IFT88: variants seen among roughly 807,000 people sequenced by gnomAD.
The protein encoded by IFT88 is intraflagellar transport protein 88 homolog.
In IFT88, 74 loss-of-function variants were observed where a neutral mutation model predicts 119.5. The observed-to-expected ratio is 0.62, with a 90% CI of 0.51 to 0.75. The LOEUF (loss-of-function observed/expected upper bound fraction) is 0.75. Ranked by LOEUF, IFT88 falls within the 30% of genes least tolerant of loss-of-function variation. IFT88 has a pLI of 0.00. For missense variants in IFT88, 961 were observed against 977.7 expected, an observed-to-expected ratio of 0.98 and a Z score of 0.23; for synonymous variants, 279 against 316.7, an observed-to-expected ratio of 0.88 and a Z score of 1.26.
intron 15 of IFT88, among the ~76,000 whole-genome samples, chr13:20,627,186 A>G (rs1048500285): frequency 6.6e-5 from 10 of 152,238 alleles, no homozygotes; most frequent in Admixed American, 2.6e-4. Context: ...AAGACTTTTC[A>G]AAGTATCTAT....
chr13:20,643,318 CT>C (rs1360492528), intron 18 of IFT88, 136 bp from the exon 19 acceptor site: 1 of 642,222 alleles, frequency 1.6e-6, no homozygotes, highest in Admixed American at 3.3e-5. Flanking sequence ...ATCTCCACCC[CT>C]GAGATATCCA....
chr13:20,677,042 C>T (rs999971889), intron 24 of IFT88, among the ~76,000 whole-genome samples: 1 of 152,106 alleles, frequency 6.6e-6, no homozygotes, highest in African/African-American at 2.4e-5. Flanking sequence ...ATAATAAGTA[C>T]TCAGTAAATA....
intron 11 of IFT88, 48 bp from the exon 12 acceptor site, chr13:20,601,657 A>G (rs2042612952): frequency 1.6e-6 from 2 of 1,263,282 alleles, no homozygotes; most frequent in Non-Finnish European, 2.3e-6. Context: ...TGAATGCCAT[A>G]CTAAAGAGTT....
chr13:20,602,627 G>T (rs774291970), intron 12 of IFT88, among the ~76,000 whole-genome samples: 2 of 152,110 alleles, frequency 1.3e-5, no homozygotes, highest in African/African-American at 2.4e-5. Flanking sequence ...GCTCACACCT[G>T]TAATTCCAGC....
intron 21 of IFT88, among the ~76,000 whole-genome samples, chr13:20,656,122 T>TAAAAAAAAAAAAAAAAAAAAAAAA (rs60352862): frequency 9.5e-6 from 1 of 104,768 alleles, no homozygotes; most frequent in African/African-American, 3.8e-5. Flanking sequence ...CTCGTCTCTT[T>TAAAAAAAAAAAAAAAAAAAAAAAA]AAAAAAAAAA....
chr13:20,618,991 G>C (rs1302462836), intron 14 of IFT88, among the ~76,000 whole-genome samples: 1 of 151,724 alleles, frequency 6.6e-6, no homozygotes, highest in African/African-American at 2.4e-5. Context: ...TAAGTAGCTG[G>C]GACTACAGGC....
At chr13:20,689,974 G>A (rs2058324084) in intron 24 of IFT88, among the ~76,000 whole-genome samples, 1 of 152,174 alleles carries the variant, frequency 6.6e-6, no homozygotes, top group Non-Finnish European at 1.5e-5. Context: ...AACATCAGTG[G>A]TAGGGGAAAT....
chr13:20,613,939 A>C (rs2045117474), intron 13 of IFT88, among the ~76,000 whole-genome samples: 1 of 107,580 alleles, frequency 9.3e-6, no homozygotes, highest in Admixed American at 1.1e-4. Context: ...TAAATTAGGC[A>C]AATCTATAAA....
At chr13:20,633,658 A>C (rs1243537995) in intron 16 of IFT88, among the ~76,000 whole-genome samples, 5 of 152,226 alleles carry the variant, frequency 3.3e-5, no homozygotes, top group Non-Finnish European at 7.3e-5. Flanking sequence ...TAAAGAAGCA[A>C]AGAGAATTGT....
At chr13:20,608,060 G>A (rs1012969206) in intron 13 of IFT88, 24 of 533,718 alleles carry the variant, frequency 4.5e-5, no homozygotes, top group Non-Finnish European at 7.9e-5. Context: ...CCCCAGCACG[G>A]GGACTATCAT....
intron 24 of IFT88, among the ~76,000 whole-genome samples, chr13:20,684,865 C>T (rs182246946): frequency 5.8e-4 from 88 of 152,314 alleles, no homozygotes; most frequent in African/African-American, 2.0e-3. Context: ...CGCTTCGGGG[C>T]GACCCTTCGA....
chr13:20,611,895 C>T (rs1054088009), intron 13 of IFT88, among the ~76,000 whole-genome samples: 12 of 152,166 alleles, frequency 7.9e-5, no homozygotes, highest in Non-Finnish European at 1.3e-4. Context: ...CATGAGCCAC[C>T]GCACCCGGCC....
chr13:20,582,656 G>A, intron 2 of IFT88, among the ~76,000 whole-genome samples: 1 of 152,200 alleles, frequency 6.6e-6, no homozygotes, highest in African/African-American at 2.4e-5. Context: ...ACAGAAGAAA[G>A]GCCACATCCT....
chr13:20,638,208 G>A (rs1271585354), intron 16 of IFT88, 124 bp from the exon 17 acceptor site: 4 of 516,102 alleles, frequency 7.8e-6, no homozygotes, highest in Admixed American at 4.2e-5. Context: ...ACCAAGATAT[G>A]TAAAATATTT....
chr13:20,647,944 C>T (rs930030707), intron 20 of IFT88, among the ~76,000 whole-genome samples: 1 of 152,158 alleles, frequency 6.6e-6, no homozygotes, highest in African/African-American at 2.4e-5. Context: ...TCGACAGCAA[C>T]AAGAGAAAAG....
chr13:20,605,173 A>G, intron 13 of IFT88, 68 bp downstream of exon 13: 1 of 613,666 alleles, frequency 1.6e-6, no homozygotes, highest in East Asian at 3.1e-5. Flanking sequence ...TTTAGTATTA[A>G]GATACTTAAT....
intron 14 of IFT88, among the ~76,000 whole-genome samples, chr13:20,621,591 T>A (rs1041720263): frequency 4.1e-5 from 6 of 147,138 alleles, no homozygotes. Flanking sequence ...TCCAAAGACT[T>A]TTTTTTTAGA....
At chr13:20,624,561 A>G (rs2047014613) in intron 14 of IFT88, among the ~76,000 whole-genome samples, 1 of 152,216 alleles carries the variant, frequency 6.6e-6, no homozygotes, top group Admixed American at 6.5e-5. Context: ...AATAAAGGCT[A>G]TGGGAATTAT....
Position 20,626,043 on chromosome 13 carries a change from C to CTTTTT in IFT88, c.1299+225_1299+229dup, listed in dbSNP as rs528587128. 5.6e-4 allele frequency among the ~76,000 whole-genome samples: 22 copies of CTTTTT among 39,574 alleles called. 5 individuals carry two copies. The highest frequency in any genetic ancestry group is 1.9e-3 in the African/African-American group (16 of 8,582). The allele number at this position is 39,574 out of a possible 152,430, so 26.0% of individuals were successfully genotyped here. ...ATTAATTTTTGCCTGTTTGTCGTTT[C>CTTTTT]TTTTTTTTTTTTTTTTTTTTTTTTT... On this transcript the variant is annotated intron_variant, in intron 15 of 25. Coordinates refer to ENST00000351808, the MANE Select transcript of IFT88 (RefSeq NM_006531.5).
Sources: allele counts gnomAD v4.1 joint callset (sites outside exome capture counted in the v4.1 genomes callset), GRCh38; gene constraint gnomAD v4.1.1; transcripts MANE v1.5; gene names NCBI Gene and HGNC (gene_info 2026-07-23, HGNC 2026-07-21).